SCAPER: variants seen among roughly 807,000 people sequenced by gnomAD.
The protein encoded by SCAPER is S phase cyclin A-associated protein in the endoplasmic reticulum.
SCAPER carries 98 observed loss-of-function variants against 182.2 expected under a neutral mutation model. That is an observed-to-expected ratio of 0.54 (90% CI 0.46 to 0.64). SCAPER has a LOEUF of 0.64. SCAPER is among the 30% of genes least tolerant of loss of function. SCAPER has a pLI of 0.00. For missense variants in SCAPER, 1,432 were observed against 1,690.0 expected (o/e 0.85, Z 2.68); for synonymous variants, 605 against 564.6 (o/e 1.07, Z -1.01).
In SCAPER at chr15:76,841,878, A is replaced by G. The variant is rs774421481; in HGVS notation, c.249T>C (p.Phe83=). ...GCCTTGTTTTAGTGGGACTTTTATC[A>G]AAGTGTTTATCTCCAGTCGTAGACG... The part of the protein sequence containing the change: ...ITSSTTGDKH[F]DKSPTKTRHP... The change falls in exon 5 of 32, where the codon TTT becomes TTC. Residue 83 remains phenylalanine (F), a synonymous_variant. Coordinates refer to ENST00000563290, the MANE Select transcript of SCAPER (RefSeq NM_020843.4). 1.9e-5 allele frequency: 30 copies of G among 1,613,806 alleles called. No homozygotes were observed. Among genetic ancestry groups the G allele is most frequent in the Non-Finnish European group, 2.5e-5 (30 of 1,179,858 alleles).
At chr15:76,708,338 A>G (rs2059376114) in intron 17 of SCAPER, among the ~76,000 whole-genome samples, 1 of 152,156 alleles carries the variant, frequency 6.6e-6, no homozygotes, top group Non-Finnish European at 1.5e-5. Context: ...GGATAGAAAG[A>G]GCCAAATGTA....
chr15:76,714,298 C>A (rs1263941073), intron 17 of SCAPER, among the ~76,000 whole-genome samples: 1 of 152,006 alleles, frequency 6.6e-6, no homozygotes, highest in Non-Finnish European at 1.5e-5. Context: ...AAATTGTACA[C>A]TTTAGTAAGT....
intron 30 of SCAPER, among the ~76,000 whole-genome samples, chr15:76,352,510 C>A (rs1181243250): frequency 1.4e-4 from 20 of 143,704 alleles, no homozygotes; most frequent in Non-Finnish European, 2.5e-4. Context: ...TTGATGGAGT[C>A]TCGCTCTGTC....
intron 25 of SCAPER, among the ~76,000 whole-genome samples, chr15:76,436,079 T>A (rs1179325356): frequency 1.3e-5 from 2 of 152,232 alleles, no homozygotes; most frequent in Non-Finnish European, 2.9e-5. Context: ...TTGTTTTGTT[T>A]TTTTTGGAGA....
At chr15:76,866,217 T>C (rs2072283357) in intron 2 of SCAPER, among the ~76,000 whole-genome samples, 1 of 151,900 alleles carries the variant, frequency 6.6e-6, no homozygotes, top group African/African-American at 2.4e-5. Context: ...TCACAGAACA[T>C]CCTGTGAGAC....
intron 29 of SCAPER, among the ~76,000 whole-genome samples, chr15:76,364,180 A>C (rs191198033): frequency 6.6e-6 from 1 of 152,328 alleles, no homozygotes; most frequent in African/African-American, 2.4e-5. Flanking sequence ...CACCGCAAAC[A>C]AATTCCTGTC....
chr15:76,381,701 G>T, intron 27 of SCAPER, 86 bp from the exon 28 acceptor site: 2 of 1,094,554 alleles, frequency 1.8e-6, no homozygotes, highest in South Asian at 1.5e-5. Context: ...AAGACAAGCA[G>T]ACCGTTAAAA....
At position 76,665,774 on chromosome 15, in the gene SCAPER, T is replaced by C; in HGVS notation, c.2524A>G (p.Lys842Glu). The change falls in exon 21 of 32, where the codon AAG becomes GAG. Residue 842 changes from lysine (K) to glutamate (E), a missense_variant. Around this residue, in one of 5 missense-constraint regions of SCAPER, gnomAD observed 718 missense variants for 799.7 expected, o/e 0.90. Coordinates refer to ENST00000563290, the MANE Select transcript of SCAPER (RefSeq NM_020843.4). Reference protein sequence around the residue: ...SDEEVEHLSLKKYIIDIVVES... With the variant: ...SDEEVEHLSLEKYIIDIVVES... Reference sequence around the variant, plus strand: ...ACCACAATGTCAATAATGTACTTCTTCAAGGAAAGATGCTCCTGCAAGATA... The same window carrying C: ...ACCACAATGTCAATAATGTACTTCTCCAAGGAAAGATGCTCCTGCAAGATA... 1 of 1,524,190 alleles carries C rather than the reference T, an allele frequency of 6.6e-7. No homozygotes were observed. Among genetic ancestry groups the C allele is most frequent in the Non-Finnish European group, 8.8e-7 (1 of 1,138,590 alleles). The allele number at this position is 1,524,190 out of a possible 1,614,324, so 94.4% of individuals were successfully genotyped here.
chr15:76,677,000 C>T (rs1192288938), intron 20 of SCAPER, among the ~76,000 whole-genome samples: 1 of 151,962 alleles, frequency 6.6e-6, no homozygotes, highest in African/African-American at 2.4e-5. Context: ...TGTACAATAT[C>T]TGTTGTATAG....
In SCAPER at chr15:76,872,856, C is replaced by T. The variant is rs529064834; in HGVS notation, c.7-10323G>A. 2.0e-5 allele frequency among the ~76,000 whole-genome samples: 3 copies of T among 151,884 alleles called. No individual in the cohort carries two copies. In the East Asian group the frequency reaches 5.8e-4, roughly 29 times the overall value. On this transcript the variant is annotated intron_variant, in intron 2 of 31. Coordinates refer to ENST00000563290, the MANE Select transcript of SCAPER (RefSeq NM_020843.4). ...AAAAACAAAGTGTATCACAATTTCA[C>T]AAAAGGTGGAAGGGGAGTAAACAAT...
Position 76,354,268 on chromosome 15 carries a change from C to T in SCAPER, c.3856-128G>A, listed in dbSNP as rs1310056241. On this transcript the variant is annotated intron_variant, in intron 29 of 31. Coordinates refer to ENST00000563290, the MANE Select transcript of SCAPER (RefSeq NM_020843.4). The surrounding 1 kb of genome is among the most constrained non-coding windows in gnomAD (Gnocchi z 4.4). ...GTGTAAAGAAAAAGACTCCTGACTC[C>T]GTACCAGAGCTTAATTTAAGTGATA... is the stretch of plus-strand genomic sequence containing the variant. 9 of 674,750 alleles carry T rather than the reference C, an allele frequency of 1.3e-5. No individual in the cohort carries two copies. The highest frequency in any genetic ancestry group is 5.7e-5 in the African/African-American group (3 of 52,506). The allele number at this position is 674,750 out of a possible 1,614,324, so 41.8% of individuals were successfully genotyped here. A position where few individuals can be genotyped will look rare whatever the true frequency, so the allele number is the denominator to read the frequency against.
chr15:76,373,813 CAATCATCTAGG>C (rs1474533230), intron 29 of SCAPER, among the ~76,000 whole-genome samples: 3 of 152,172 alleles, frequency 2.0e-5, no homozygotes, highest in African/African-American at 4.8e-5. Flanking sequence ...GAGGCATCAA[CAATCATCTAGG>C]AAATACAGAG....
intron 20 of SCAPER, among the ~76,000 whole-genome samples, chr15:76,676,273 C>T (rs542697817): frequency 6.6e-6 from 1 of 152,312 alleles, no homozygotes; most frequent in South Asian, 2.1e-4. Context: ...CTTCACCCAG[C>T]CTGCACTGGC....
intron 30 of SCAPER, among the ~76,000 whole-genome samples, chr15:76,353,462 A>G (rs1395060001): frequency 6.6e-6 from 1 of 152,266 alleles, no homozygotes; most frequent in Non-Finnish European, 1.5e-5. Context: ...AATTTAAAAT[A>G]TAAGGCTGTA....
At chr15:76,887,497 T>G (rs1312558579) in intron 1 of SCAPER, among the ~76,000 whole-genome samples, 1 of 152,060 alleles carries the variant, frequency 6.6e-6, no homozygotes, top group Non-Finnish European at 1.5e-5. Flanking sequence ...GACTAGGAGA[T>G]CCTCTCCCAT....
intron 29 of SCAPER, among the ~76,000 whole-genome samples, chr15:76,355,762 T>C (rs1340252570): frequency 1.3e-5 from 2 of 152,220 alleles, no homozygotes; most frequent in East Asian, 1.9e-4. Flanking sequence ...TTTGGGCTCC[T>C]GAACCTCACT....
chr15:76,583,113 G>A (rs2048377811), intron 22 of SCAPER, among the ~76,000 whole-genome samples: 1 of 152,138 alleles, frequency 6.6e-6, no homozygotes, highest in African/African-American at 2.4e-5. Flanking sequence ...AGCACTTTGG[G>A]AGGCTAAGGT....
chr15:76,657,588 C>CAAAAAA (rs35243291), intron 21 of SCAPER, among the ~76,000 whole-genome samples: 8 of 129,790 alleles, frequency 6.2e-5, no homozygotes, highest in South Asian at 2.4e-4. Flanking sequence ...GACACAACAA[C>CAAAAAA]AAAAAAAAAA....
chr15:76,546,065 T>C (rs1172209028), intron 23 of SCAPER, among the ~76,000 whole-genome samples: 1 of 152,098 alleles, frequency 6.6e-6, no homozygotes, highest in Admixed American at 6.6e-5. Context: ...TAGCTATGCC[T>C]TGACAGTAGG....
Sources: gnomAD v4.1 joint callset for allele counts (sites outside exome capture counted in the v4.1 genomes callset) on GRCh38, gnomAD v4.1.1 for gene constraint, gnomAD v4.1.1 regional missense constraint, Gnocchi (gnomAD v3.1) non-coding constraint, MANE v1.5 for transcripts, NCBI Gene and HGNC (gene_info 2026-07-23, HGNC 2026-07-21) for gene names.